PARD3B: variants seen among roughly 807,000 people sequenced by gnomAD.
The protein encoded by PARD3B is par-3 family cell polarity regulator beta, also known as partitioning defective 3 homolog B.
Under a neutral mutation model 130.2 loss-of-function variants are expected in PARD3B, and 103 were observed. The observed-to-expected ratio is 0.79, with a 90% CI of 0.67 to 0.93. The LOEUF is 0.93. Ranked by LOEUF, PARD3B falls within the 40% of genes least tolerant of loss-of-function variation. The probability of loss-of-function intolerance (pLI) is 0.00; values close to 1 mark genes in which losing one functional copy is unlikely to be tolerated. For synonymous variants in PARD3B, 583 were observed against 553.2 expected, an observed-to-expected ratio of 1.05 and a Z score of -0.76; for missense variants, 1,609 against 1,499.2, an observed-to-expected ratio of 1.07 and a Z score of -1.21.
intron 2 of PARD3B, among the ~76,000 whole-genome samples, chr2:204,838,938 A>G (rs1467235709): frequency 6.6e-6 from 1 of 152,190 alleles, no homozygotes; most frequent in Non-Finnish European, 1.5e-5. Flanking sequence ...ATTGTGTAAG[A>G]GGGTTCTAGG....
In PARD3B at chr2:205,011,586, G is replaced by T. The variant is rs760902014; in HGVS notation, c.395-35995G>T. On this transcript the variant is annotated intron_variant, in intron 3 of 22. Coordinates refer to ENST00000406610, the MANE Select transcript of PARD3B (RefSeq NM_001302769.2). The surrounding 1 kb of genome is among the most constrained non-coding windows in gnomAD (Gnocchi z 4.1). ...GCACTGTAGGAAGGAACTACATAGT[G>T]TAAATCCAGGCAGTGGGGCTTGCTA... 1.3e-5 allele frequency among the ~76,000 whole-genome samples: 2 copies of T among 152,198 alleles called. No individual in the cohort carries two copies. Among genetic ancestry groups the T allele is most frequent in the Non-Finnish European group, 2.9e-5 (2 of 68,042 alleles).
chr2:204,859,627 G>C (rs1481814647), intron 2 of PARD3B, among the ~76,000 whole-genome samples: 1 of 152,136 alleles, frequency 6.6e-6, no homozygotes, highest in African/African-American at 2.4e-5. Context: ...TAATTTTGGT[G>C]CTAGTATAGC....
In PARD3B at chr2:204,606,630, C is replaced by G. The variant is rs2033734209; in HGVS notation, c.120+60511C>G. 6.6e-6 allele frequency among the ~76,000 whole-genome samples: 1 copy of G among 152,238 alleles called. No individual in the cohort carries two copies. Among genetic ancestry groups the G allele is most frequent in the Non-Finnish European group, 1.5e-5 (1 of 68,008 alleles). The stretch of plus-strand genomic sequence containing the variant: ...TATTATGTGCTCAGAATAGGAGAAT[C>G]AACCATTTATGAAGAAGCTCCAGTG... On this transcript the variant is annotated intron_variant, in intron 1 of 22. Coordinates refer to ENST00000406610, the MANE Select transcript of PARD3B (RefSeq NM_001302769.2). The surrounding 1 kb of genome is among the most constrained non-coding windows in gnomAD (Gnocchi z 4.0).
chr2:204,838,532 A>C (rs990504497), intron 2 of PARD3B, among the ~76,000 whole-genome samples: 3 of 152,122 alleles, frequency 2.0e-5, no homozygotes, highest in African/African-American at 4.8e-5. Flanking sequence ...GTTTTGAGTC[A>C]AATAAAATTT....
chr2:204,656,618 T>G (rs2035649064), intron 1 of PARD3B, among the ~76,000 whole-genome samples: 1 of 152,136 alleles, frequency 6.6e-6, no homozygotes. Flanking sequence ...TGAACTCAGA[T>G]CTCCTCTTTT....
In PARD3B at chr2:205,401,107, A is replaced by G. The variant is rs773175185; in HGVS notation, c.2725A>G (p.Lys909Glu). The change falls in exon 19 of 23, where the codon AAA becomes GAA. Residue 909 changes from lysine (K) to glutamate (E), a missense_variant. Transcript: ENST00000406610. ...GLREEELEKMKEERERIGAKH... is the reference protein window; with the variant it reads ...GLREEELEKMEEERERIGAKH... ...GAGAGAAGAAGAGCTGGAGAAAATG[A>G]AAGAAGAGCGTGAAAGGTGAGCAGA... The G allele has an allele frequency of 6.3e-7, 1 of 1,595,684 alleles. No homozygotes were observed. Among genetic ancestry groups the G allele is most frequent in the Non-Finnish European group, 8.5e-7 (1 of 1,170,682 alleles).
rs1366211280 is a variant in PARD3B at position 205,405,338 on chromosome 2, A to G, written c.2741+4215A>G. Among the ~76,000 whole-genome samples the G allele has an allele frequency of 6.6e-6, 1 of 152,164 alleles. No individual in the cohort carries two copies. Among genetic ancestry groups the G allele is most frequent in the Admixed American group, 6.6e-5 (1 of 15,252 alleles). On this transcript the variant is annotated intron_variant, in intron 19 of 22. Coordinates refer to ENST00000406610, the MANE Select transcript of PARD3B (RefSeq NM_001302769.2). This position sits in a 1 kb window ranked among gnomAD's most constrained non-coding sequence, Gnocchi z 4.1. Reference sequence around the variant, plus strand: ...AATGTAGCTAAAAATCTTACAATGCACAGGACAGCTACCCTCCCCCACAAC... The same window carrying G: ...AATGTAGCTAAAAATCTTACAATGCGCAGGACAGCTACCCTCCCCCACAAC...
chr2:204,849,133 G>A (rs2044596998), intron 2 of PARD3B, among the ~76,000 whole-genome samples: 1 of 151,972 alleles, frequency 6.6e-6, no homozygotes, highest in Non-Finnish European at 1.5e-5. Flanking sequence ...AGAAGAAGTG[G>A]CTATTGGAAA....
In PARD3B at chr2:205,124,350, G is replaced by A. The variant is rs762366848; in HGVS notation, c.1189G>A (p.Val397Met). ...AGGCCCTGAAGGACTTGGTTTCACTGTGGTTACCAGAGACTCTTCCATACA... is the reference window on the plus strand; with the variant it reads ...AGGCCCTGAAGGACTTGGTTTCACTATGGTTACCAGAGACTCTTCCATACA... Reference protein sequence around the residue: ...KKGPEGLGFTVVTRDSSIHGP... With the variant: ...KKGPEGLGFTMVTRDSSIHGP... The change falls in exon 9 of 23, where the codon GTG (valine) becomes ATG (methionine). Residue 397 changes from valine to methionine, a missense_variant. Transcript: ENST00000406610. The A allele has an allele frequency of 1.3e-6, 2 of 1,584,702 alleles. No homozygotes were observed. The highest frequency in any genetic ancestry group is 2.7e-5 in the African/African-American group (2 of 73,992).
chr2:204,676,235 C>T (rs1425405658), intron 1 of PARD3B, among the ~76,000 whole-genome samples: 1 of 151,624 alleles, frequency 6.6e-6, no homozygotes, highest in Non-Finnish European at 1.5e-5. Flanking sequence ...TTTTTCCCCC[C>T]TACCAAGAGT....
chr2:204,798,543 G>A (rs183831991), intron 2 of PARD3B, among the ~76,000 whole-genome samples: 5 of 152,240 alleles, frequency 3.3e-5, no homozygotes, highest in Admixed American at 6.5e-5. Context: ...GGCCACCTAC[G>A]GAGGCACCAG....
chr2:205,250,306 C>T (rs565546933), intron 16 of PARD3B, among the ~76,000 whole-genome samples: 4 of 151,800 alleles, frequency 2.6e-5, no homozygotes, highest in Admixed American at 6.6e-5. Flanking sequence ...CTTTGCTGAC[C>T]CAGCTCTTTA....
In PARD3B at chr2:205,146,057, C is replaced by T. The variant is rs959821028; in HGVS notation, c.1435-12665C>T. ...CAGCCTGTGGATTGACTGTCCATAG[C>T]GAAGGGCACCTGCACATCAGTCGGT... is the stretch of plus-strand genomic sequence containing the variant. On this transcript the variant is annotated intron_variant, in intron 10 of 22. Transcript: ENST00000406610. The surrounding 1 kb of genome is among the most constrained non-coding windows in gnomAD (Gnocchi z 4.3). 1.2e-4 allele frequency among the ~76,000 whole-genome samples: 19 copies of T among 152,142 alleles called. No individual in the cohort carries two copies. Among genetic ancestry groups the T allele is most frequent in the Admixed American group, 2.0e-4 (3 of 15,276 alleles).
chr2:204,862,281 G>A (rs2045241118), intron 2 of PARD3B, among the ~76,000 whole-genome samples: 1 of 152,144 alleles, frequency 6.6e-6, no homozygotes, highest in Admixed American at 6.6e-5. Flanking sequence ...CTGTGACTTC[G>A]TCTTATGCAA....
chr2:204,775,641 T>C (rs183437397), intron 2 of PARD3B, among the ~76,000 whole-genome samples: 41 of 152,278 alleles, frequency 2.7e-4, no homozygotes, highest in Middle Eastern at 6.8e-3. Context: ...CATAATACAG[T>C]GCTGCCTTCT....
chr2:204,691,512 T>C (rs2037351285), intron 2 of PARD3B, among the ~76,000 whole-genome samples: 1 of 152,260 alleles, frequency 6.6e-6, no homozygotes, highest in East Asian at 1.9e-4. Flanking sequence ...TATCTCCTAT[T>C]AGTTATCAGT....
At chr2:205,348,508 A>AG (rs2043877239) in intron 18 of PARD3B, among the ~76,000 whole-genome samples, 1 of 152,250 alleles carries the variant, frequency 6.6e-6, no homozygotes, top group Admixed American at 6.5e-5. Context: ...CAGATGGGTT[A>AG]GGAAAGAGAA....
chr2:205,583,126 C>T (rs1042547914), intron 22 of PARD3B, among the ~76,000 whole-genome samples: 1 of 152,136 alleles, frequency 6.6e-6, no homozygotes, highest in Non-Finnish European at 1.5e-5. Context: ...ATATGCTCTC[C>T]GTGGATTCTT....
chr2:205,468,720 G>A (rs1187941259), intron 20 of PARD3B, among the ~76,000 whole-genome samples: 1 of 152,010 alleles, frequency 6.6e-6, no homozygotes, highest in East Asian at 1.9e-4. Context: ...CTCACTGTTG[G>A]GTCCAGTGTT....
Sources: allele counts gnomAD v4.1 joint callset (sites outside exome capture counted in the v4.1 genomes callset), GRCh38; gene constraint gnomAD v4.1.1; non-coding constraint Gnocchi (gnomAD v3.1); transcripts MANE v1.5; gene names NCBI Gene and HGNC (gene_info 2026-07-23, HGNC 2026-07-21).